Variants in KCNH5 observed in about 807,000 individuals in gnomAD.
KCNH5 encodes voltage-gated delayed rectifier potassium channel KCNH5.
In KCNH5, 46 loss-of-function variants were observed where a neutral mutation model predicts 96.1. The observed-to-expected ratio is 0.48, with a 90% confidence interval of 0.38 to 0.61. The LOEUF (loss-of-function observed/expected upper bound fraction) is 0.61. Ranked by LOEUF, KCNH5 falls within the 20% of genes least tolerant of loss-of-function variation. The pLI is 0.00. For synonymous variants in KCNH5, 439 were observed against 449.8 expected (o/e 0.98, Z 0.30); for missense variants, 907 against 1,225.8 (o/e 0.74, Z 3.88).
chr14:62,983,077 C>T (rs1168648482), intron 5 of KCNH5, among the ~76,000 whole-genome samples: 2 of 152,170 alleles, frequency 1.3e-5, no homozygotes, highest in African/African-American at 4.8e-5. Flanking sequence ...TATATATACA[C>T]AGTCTATGTT....
At chr14:62,773,304 A>G (rs1401792109) in intron 10 of KCNH5, among the ~76,000 whole-genome samples, 1 of 152,160 alleles carries the variant, frequency 6.6e-6, no homozygotes, top group Non-Finnish European at 1.5e-5. Context: ...GTTCTAGATT[A>G]TTTCTCTATT....
chr14:62,745,176 T>C (rs997902801), intron 10 of KCNH5, among the ~76,000 whole-genome samples: 1 of 152,158 alleles, frequency 6.6e-6, no homozygotes, highest in South Asian at 2.1e-4. Context: ...AAAGTTATCT[T>C]GTGCAGCAAA....
chr14:62,895,871 C>G (rs1006126527), intron 7 of KCNH5, among the ~76,000 whole-genome samples: 1 of 152,170 alleles, frequency 6.6e-6, no homozygotes, highest in African/African-American at 2.4e-5. Context: ...ATAGCCTAGT[C>G]TACTTTGAAC....
intron 10 of KCNH5, among the ~76,000 whole-genome samples, chr14:62,727,298 G>A (rs1473397386): frequency 6.6e-6 from 1 of 152,136 alleles, no homozygotes; most frequent in Non-Finnish European, 1.5e-5. Flanking sequence ...CTGGGACGTG[G>A]GGGTGACAGT....
intron 3 of KCNH5, among the ~76,000 whole-genome samples, chr14:63,001,902 T>C (rs1329455089): frequency 6.6e-6 from 1 of 152,200 alleles, no homozygotes; most frequent in East Asian, 1.9e-4. Flanking sequence ...GCAACAGCCA[T>C]ACCTGATCTT....
chr14:62,846,727 C>T (rs1887698633), intron 8 of KCNH5, among the ~76,000 whole-genome samples: 1 of 146,570 alleles, frequency 6.8e-6, no homozygotes, highest in African/African-American at 2.5e-5. Context: ...TCTTTAATTA[C>T]TAATTCTTTT....
chr14:63,036,539 AAATTCTAT>A (rs2139629752), intron 1 of KCNH5, among the ~76,000 whole-genome samples: 1 of 152,266 alleles, frequency 6.6e-6, no homozygotes, highest in African/African-American at 2.4e-5. Context: ...AAAAGCAAAT[AAATTCTAT>A]TCTGCCTACA....
At chr14:63,018,598 G>C (rs1891370460) in intron 1 of KCNH5, among the ~76,000 whole-genome samples, 1 of 151,982 alleles carries the variant, frequency 6.6e-6, no homozygotes, top group South Asian at 2.1e-4. Context: ...TTAGGAGTAA[G>C]AAACAAGTCA....
At chr14:62,772,506 G>A (rs1297319580) in intron 10 of KCNH5, among the ~76,000 whole-genome samples, 7 of 151,716 alleles carry the variant, frequency 4.6e-5, no homozygotes, top group Admixed American at 6.6e-5. Context: ...GCGTGGTGTC[G>A]TGCACCTGTA....
At chr14:62,771,672 A>G (rs574107890) in intron 10 of KCNH5, among the ~76,000 whole-genome samples, 1 of 152,278 alleles carries the variant, frequency 6.6e-6, no homozygotes, top group South Asian at 2.1e-4. Context: ...AGCTAAAGGA[A>G]GATAAGCCTC....
At chr14:62,811,750 T>C (rs1223755331) in intron 8 of KCNH5, among the ~76,000 whole-genome samples, 1 of 152,088 alleles carries the variant, frequency 6.6e-6, no homozygotes, top group Non-Finnish European at 1.5e-5. Flanking sequence ...GCTCAACATA[T>C]AAATTAGAAA....
At chr14:62,719,080 T>C (rs1382549299) in intron 10 of KCNH5, among the ~76,000 whole-genome samples, 1 of 152,184 alleles carries the variant, frequency 6.6e-6, no homozygotes, top group Non-Finnish European at 1.5e-5. Flanking sequence ...CCACAAATGT[T>C]TGTGGGTTTC....
chr14:62,822,502 A>G (rs1319760139), intron 8 of KCNH5, among the ~76,000 whole-genome samples: 1 of 152,138 alleles, frequency 6.6e-6, no homozygotes, highest in African/African-American at 2.4e-5. Context: ...AAGGAGCAAA[A>G]GCATTTTAAC....
At position 63,001,432 on chromosome 14, in the gene KCNH5, A is replaced by G. The variant is rs1891009322; in HGVS notation, c.332T>C (p.Ile111Thr). Residue 111 changes from isoleucine (I) to threonine (T), a missense_variant, in exon 4 of 11, where the codon ATT becomes ACT. This residue lies in a region of KCNH5 where 370 missense variants were observed against 561.3 expected (regional missense o/e 0.66). Transcript: ENST00000322893. ...NRTPVWFYMQ[I>T]APIRNEHEKV... ...TTCATGTTCATTTCTTATTGGTGCAATTTGCATATAAAACCAAACAGGGGT... is the reference window on the plus strand; with the variant it reads ...TTCATGTTCATTTCTTATTGGTGCAGTTTGCATATAAAACCAAACAGGGGT... The G allele has an allele frequency of 6.2e-7, 1 of 1,611,750 alleles. No individual in the cohort carries two copies. The highest frequency in any genetic ancestry group is 8.5e-7 in the Non-Finnish European group (1 of 1,179,084).
At chr14:62,791,853 A>G (rs1336912946) in intron 9 of KCNH5, among the ~76,000 whole-genome samples, 2 of 151,636 alleles carry the variant, frequency 1.3e-5, no homozygotes, top group Non-Finnish European at 3.0e-5. Flanking sequence ...ACTTTCAACA[A>G]TGGATAGATC....
Position 63,041,954 on chromosome 14 carries a change from T to C in KCNH5, c.73+3160A>G, listed in dbSNP as rs141388447. Among the ~76,000 whole-genome samples the C allele has an allele frequency of 1.6e-4, 24 of 152,256 alleles. No homozygotes were observed. In the East Asian group the frequency reaches 4.2e-3, roughly 27 times the overall value. On this transcript the variant is annotated intron_variant, in intron 1 of 10. Transcript: ENST00000322893. ...TATTAAGAAATCCTCAGGTATAAAA[T>C]TGATATTCAAATATGCCACACTTCT...
At chr14:62,935,366 A>C (rs1319987485) in intron 7 of KCNH5, among the ~76,000 whole-genome samples, 5 of 152,210 alleles carry the variant, frequency 3.3e-5, no homozygotes, top group Non-Finnish European at 7.3e-5. Flanking sequence ...TTGTGGCTCC[A>C]TTTTAGTTAG....
intron 7 of KCNH5, among the ~76,000 whole-genome samples, chr14:62,928,530 T>G (rs1369260390): frequency 6.6e-6 from 1 of 152,116 alleles, no homozygotes; most frequent in Non-Finnish European, 1.5e-5. Flanking sequence ...TCCTATAAGA[T>G]ACGTAATAAT....
In KCNH5 at chr14:62,920,079, G is replaced by A. The variant is rs78050341; in HGVS notation, c.1369+30054C>T. ...GGGAACTTGCCCATCTCCATGATGA[G>A]TTGGCAGTCTTTCTGATCATGCTGC... is the stretch of plus-strand genomic sequence containing the variant. On this transcript the variant is annotated intron_variant, in intron 7 of 10. Coordinates refer to ENST00000322893, the MANE Select transcript of KCNH5 (RefSeq NM_139318.5). 8.7e-4 allele frequency among the ~76,000 whole-genome samples: 132 copies of A among 152,246 alleles called. 1 individual carries two copies. The highest frequency in any genetic ancestry group is 5.9e-3 in the Admixed American group (90 of 15,270).
Sources: gnomAD v4.1 joint callset for allele counts (sites outside exome capture counted in the v4.1 genomes callset) on GRCh38, gnomAD v4.1.1 for gene constraint, gnomAD v4.1.1 regional missense constraint, MANE v1.5 for transcripts, NCBI Gene and HGNC (gene_info 2026-07-23, HGNC 2026-07-21) for gene names.